ULK2: variants seen among roughly 807,000 people sequenced by gnomAD.
ULK2 encodes the protein unc-51 like autophagy activating kinase 2.
A neutral mutation model predicts 127.5 loss-of-function variants in ULK2; 76 were observed. The observed-to-expected ratio is 0.60, with a 90% CI of 0.50 to 0.72. ULK2 has a LOEUF of 0.72. ULK2 is among the 30% of genes least tolerant of loss of function. The probability of loss-of-function intolerance (pLI) is 0.00; values close to 1 mark genes in which losing one functional copy is unlikely to be tolerated. For missense variants in ULK2, 1,144 were observed against 1,295.9 expected (o/e 0.88, Z 1.80); for synonymous variants, 452 against 461.9 (o/e 0.98, Z 0.28).
At chr17:19,778,984 G>A (rs1159616839) in intron 25 of ULK2, among the ~76,000 whole-genome samples, 3 of 152,160 alleles carry the variant, frequency 2.0e-5, no homozygotes, top group Non-Finnish European at 4.4e-5. Context: ...TTTTTCTGGT[G>A]CAAAATTCTA....
Position 19,826,192 on chromosome 17 carries a change from A to G in ULK2, c.788-6T>C. The G allele has an allele frequency of 1.4e-6, 2 of 1,442,750 alleles. No homozygotes were observed. The highest frequency in any genetic ancestry group is 1.8e-6 in the Non-Finnish European group (2 of 1,081,648). The allele number at this position is 1,442,750 out of a possible 1,614,324, so 89.4% of individuals were successfully genotyped here. A position where few individuals can be genotyped will look rare whatever the true frequency, so the allele number is the denominator to read the frequency against. ...AGGATGGCTAAAAAATGCTTCTGTA[A>G]CAAGAAATGAGAATGCAACCTTTAA... On this transcript the variant is annotated splice_polypyrimidine_tract_variant and splice_region_variant and intron_variant, in intron 10 of 26. Coordinates refer to ENST00000395544, the MANE Select transcript of ULK2 (RefSeq NM_014683.4).
chr17:19,860,649 C>T (rs963419736), intron 3 of ULK2, among the ~76,000 whole-genome samples: 9 of 151,530 alleles, frequency 5.9e-5, no homozygotes, highest in Non-Finnish European at 1.2e-4. Context: ...CTCAGCCTCC[C>T]GAGTAGCTGG....
chr17:19,785,572 A>C (rs1160519626), intron 21 of ULK2, among the ~76,000 whole-genome samples: 1 of 152,086 alleles, frequency 6.6e-6, no homozygotes, highest in East Asian at 1.9e-4. Context: ...ATAATTTTCA[A>C]ATAATTTATT....
intron 12 of ULK2, among the ~76,000 whole-genome samples, chr17:19,817,128 T>C (rs568845264): frequency 6.6e-6 from 1 of 152,314 alleles, no homozygotes; most frequent in South Asian, 2.1e-4. Flanking sequence ...CTGAAATGTT[T>C]TCCAAAAATG....
rs2041658239 is a variant in ULK2, at chr17:19,838,689, A to G, written c.705-106T>C. The G allele has an allele frequency of 6.8e-6, 6 of 881,018 alleles. No homozygotes were observed. In the Admixed American group the frequency reaches 7.5e-5, roughly 11 times the overall value. The allele number at this position is 881,018 out of a possible 1,614,324, so 54.6% of individuals were successfully genotyped here. On this transcript the variant is annotated intron_variant, in intron 9 of 26. Transcript: ENST00000395544. ...CTAAAACGTGTATGCGGTTTCACAA[A>G]TACCAATACATTTATACCACGAAGA...
At chr17:19,866,004 A>C (rs768694345) in intron 1 of ULK2, among the ~76,000 whole-genome samples, 176 bp from the exon 2 acceptor site, 2 of 152,242 alleles carry the variant, frequency 1.3e-5, no homozygotes, top group Non-Finnish European at 2.9e-5. Context: ...CCAAGATCCT[A>C]CAACACAACT....
At chr17:19,795,999 G>A (rs535590890) in intron 19 of ULK2, 96 bp downstream of exon 19, 60 of 1,487,372 alleles carry the variant, frequency 4.0e-5, no homozygotes, top group Middle Eastern at 3.6e-4. Context: ...TAAATCACCC[G>A]CTACACTAAT....
At position 19,783,896 on chromosome 17, in the gene ULK2, C is replaced by T. The variant is rs200637166; in HGVS notation, c.2261G>A (p.Ser754Asn). Reference protein sequence around the residue: ...LRTRTTSVGPSNSGGSLCAMS... With the variant: ...LRTRTTSVGPNNSGGSLCAMS... ...GGCACAAAGAGAGCCCCCGGAGTTG[C>T]TGGGCCCCACTACAAGGAAACAGAG... The change falls in exon 22 of 27, where the codon AGC becomes AAC. Residue 754 changes from serine to asparagine, a missense_variant. Around this residue, in one of 2 missense-constraint regions of ULK2, gnomAD observed 913 missense variants for 970.5 expected, o/e 0.94. Coordinates refer to ENST00000395544, the MANE Select transcript of ULK2 (RefSeq NM_014683.4). 3 of 1,514,980 alleles carry T rather than the reference C, an allele frequency of 2.0e-6. No individual in the cohort carries two copies. The East Asian group carries it at 7.2e-5, about 36-fold the overall frequency. The allele number at this position is 1,514,980 out of a possible 1,614,324, so 93.8% of individuals were successfully genotyped here.
At chr17:19,858,237 A>G (rs1400129251) in intron 3 of ULK2, among the ~76,000 whole-genome samples, 1 of 151,796 alleles carries the variant, frequency 6.6e-6, no homozygotes, top group African/African-American at 2.4e-5. Flanking sequence ...CCATCTCTAC[A>G]AAAAATAGAA....
intron 26 of ULK2, among the ~76,000 whole-genome samples, chr17:19,777,093 CT>C (rs959505532): frequency 6.6e-6 from 1 of 151,964 alleles, no homozygotes; most frequent in African/African-American, 2.4e-5. Flanking sequence ...ACCTACCTAC[CT>C]ACCTATCTAC....
intron 20 of ULK2, among the ~76,000 whole-genome samples, chr17:19,794,723 GAA>G (rs11336353): frequency 0.013 from 1,830 of 144,048 alleles, 17 homozygotes; most frequent in African/African-American, 0.028. Context: ...AAGTCATAGA[GAA>G]AAAAAAAAAA....
At position 19,781,006 on chromosome 17, in the gene ULK2, G is replaced by A; in HGVS notation, c.2738C>T (p.Pro913Leu). The A allele has an allele frequency of 1.2e-6, 2 of 1,614,042 alleles. No homozygotes were observed. The highest frequency in any genetic ancestry group is 1.7e-6 in the Non-Finnish European group (2 of 1,180,036). The change falls in exon 24 of 27, where the codon CCA becomes CTA. Residue 913 changes from proline to leucine, a missense_variant. By Grantham distance (98) the Pro-to-Leu change is moderately conservative (BLOSUM62 -3). Coordinates refer to ENST00000395544, the MANE Select transcript of ULK2 (RefSeq NM_014683.4). Reference protein sequence around the residue: ...KAQIKSGKLSPSTAVKQVVKN... With the variant: ...KAQIKSGKLSLSTAVKQVVKN... ...CATACCTTGTTTCACAGCTGTGGATGGGCTCAGTTTCCCGGACTTGATCTG... is the reference window on the plus strand; with the variant it reads ...CATACCTTGTTTCACAGCTGTGGATAGGCTCAGTTTCCCGGACTTGATCTG...
chr17:19,845,491 G>T, intron 6 of ULK2, 114 bp from the exon 7 acceptor site: 1 of 775,250 alleles, frequency 1.3e-6, no homozygotes, highest in Non-Finnish European at 2.1e-6. Context: ...AAAATAAACA[G>T]CTTATTGAAT....
intron 12 of ULK2, among the ~76,000 whole-genome samples, chr17:19,821,399 G>GT (rs1188633093): frequency 7.5e-6 from 1 of 132,688 alleles, no homozygotes; most frequent in African/African-American, 2.9e-5. Flanking sequence ...GTGATTTGGA[G>GT]TTTTTTTATT....
intron 8 of ULK2, among the ~76,000 whole-genome samples, chr17:19,842,387 G>A (rs1351602619): frequency 6.6e-6 from 1 of 151,488 alleles, no homozygotes; most frequent in Non-Finnish European, 1.5e-5. Context: ...AGTAGAGATG[G>A]GGTTTCTCCA....
At chr17:19,825,224 C>T (rs540607103) in intron 11 of ULK2, 42 bp from the exon 12 acceptor site, 3 of 1,558,638 alleles carry the variant, frequency 1.9e-6, no homozygotes, top group South Asian at 2.2e-5. Context: ...TTTTGTAGTG[C>T]AGTCACATGA....
At chr17:19,822,311 T>C (rs2041170127) in intron 12 of ULK2, among the ~76,000 whole-genome samples, 1 of 152,098 alleles carries the variant, frequency 6.6e-6, no homozygotes, top group Non-Finnish European at 1.5e-5. Flanking sequence ...AGAACTCTAA[T>C]GAATAAGACA....
chr17:19,788,581 T>G lies in ULK2; in HGVS notation c.2102-2495A>C, dbSNP rs149287947. Among the ~76,000 whole-genome samples the G allele has an allele frequency of 1.9e-3, 294 of 152,046 alleles. 2 individuals carry two copies. The highest frequency in any genetic ancestry group is 9.6e-3 in the East Asian group (49 of 5,122). Reference sequence around the variant, plus strand: ...CAATAATACTACCCAGGGAGCATGCTTGGGCCTTGGGTGAGACTCTGAGAC... The same window carrying G: ...CAATAATACTACCCAGGGAGCATGCGTGGGCCTTGGGTGAGACTCTGAGAC... On this transcript the variant is annotated intron_variant, in intron 20 of 26. Coordinates refer to ENST00000395544, the MANE Select transcript of ULK2 (RefSeq NM_014683.4).
chr17:19,784,203 T>C, intron 21 of ULK2: 1 of 230,396 alleles, frequency 4.3e-6, no homozygotes, highest in Non-Finnish European at 8.3e-6. Flanking sequence ...GGCCTCATAA[T>C]TATAAAACTC....
Sources: gnomAD v4.1 joint callset for allele counts (sites outside exome capture counted in the v4.1 genomes callset) on GRCh38, gnomAD v4.1.1 for gene constraint, gnomAD v4.1.1 regional missense constraint, MANE v1.5 for transcripts, NCBI Gene and HGNC (gene_info 2026-07-23, HGNC 2026-07-21) for gene names.